ASIC2: variants seen among roughly 807,000 people sequenced by gnomAD.
ASIC2 encodes the protein acid-sensing ion channel 2.
In ASIC2, 25 loss-of-function variants were observed where a neutral mutation model predicts 57.3. The observed-to-expected ratio is 0.44, with a 90% CI of 0.32 to 0.61. The LOEUF (loss-of-function observed/expected upper bound fraction) is 0.61. ASIC2 is among the 20% of genes least tolerant of loss of function. The probability of loss-of-function intolerance (pLI) is 0.06; values close to 1 mark genes in which losing one functional copy is unlikely to be tolerated. For synonymous variants in ASIC2, 319 were observed against 307.5 expected, an observed-to-expected ratio of 1.04 and a Z score of -0.39; for missense variants, 641 against 738.1, an observed-to-expected ratio of 0.87 and a Z score of 1.52.
chr17:33,030,395 C>T lies in ASIC2; in HGVS notation c.988-2003G>A, dbSNP rs187017570. Among the ~76,000 whole-genome samples, 20 of 152,264 alleles carry T rather than the reference C, an allele frequency of 1.3e-4. 1 individual carries two copies. The highest frequency in any genetic ancestry group is 1.2e-3 in the South Asian group (6 of 4,824). On this transcript the variant is annotated intron_variant, in intron 3 of 9. Transcript: ENST00000225823. Reference sequence around the variant, plus strand: ...GTATGCATTCTTTTGTGTTTGGCTTCTTTCTCTCAGCGTAATGTTTTTGAG... The same window carrying T: ...GTATGCATTCTTTTGTGTTTGGCTTTTTTCTCTCAGCGTAATGTTTTTGAG...
chr17:33,602,809 C>A (rs967632629), intron 1 of ASIC2, among the ~76,000 whole-genome samples: 1 of 152,208 alleles, frequency 6.6e-6, no homozygotes, highest in Admixed American at 6.5e-5. Flanking sequence ...ATAGCTCTAG[C>A]AATGGGGCTT....
At chr17:33,570,655 G>A (rs1190266968) in intron 1 of ASIC2, among the ~76,000 whole-genome samples, 1 of 152,170 alleles carries the variant, frequency 6.6e-6, no homozygotes, top group Non-Finnish European at 1.5e-5. Flanking sequence ...AAAACCTACT[G>A]TTTCTCATGA....
At chr17:33,207,921 T>C (rs539197264) in intron 1 of ASIC2, among the ~76,000 whole-genome samples, 72 of 152,342 alleles carry the variant, frequency 4.7e-4, no homozygotes, top group Non-Finnish European at 9.1e-4. Flanking sequence ...TGGTTTTGGT[T>C]GTTTTTCTTA....
chr17:34,132,342 C>T (rs1422754790), intron 1 of ASIC2, among the ~76,000 whole-genome samples: 1 of 152,162 alleles, frequency 6.6e-6, no homozygotes, highest in Non-Finnish European at 1.5e-5. Context: ...AAGAACAAAA[C>T]AACAAAGCTT....
At chr17:33,020,326 A>C (rs2141895678) in intron 7 of ASIC2, among the ~76,000 whole-genome samples, 1 of 152,268 alleles carries the variant, frequency 6.6e-6, no homozygotes, top group Admixed American at 6.5e-5. Context: ...GAAGAACCTG[A>C]GGTTCAGCAA....
intron 1 of ASIC2, among the ~76,000 whole-genome samples, chr17:34,082,857 T>C (rs1909944027): frequency 6.6e-6 from 1 of 152,242 alleles, no homozygotes; most frequent in African/African-American, 2.4e-5. Flanking sequence ...AAAGACAGTT[T>C]GACCCCAAAA....
chr17:33,406,647 T>C (rs771261258), intron 1 of ASIC2, among the ~76,000 whole-genome samples: 2 of 152,232 alleles, frequency 1.3e-5, no homozygotes, highest in Admixed American at 1.3e-4. Flanking sequence ...TAGATTAAAA[T>C]GTGTAAAACA....
chr17:33,072,069 C>G (rs1434589789), intron 3 of ASIC2, among the ~76,000 whole-genome samples: 1 of 152,148 alleles, frequency 6.6e-6, no homozygotes, highest in Non-Finnish European at 1.5e-5. Flanking sequence ...CCTCTCCTCT[C>G]TGGTGCTCTG....
chr17:33,611,740 G>A (rs1384856034), intron 1 of ASIC2, among the ~76,000 whole-genome samples: 1 of 152,224 alleles, frequency 6.6e-6, no homozygotes, highest in Non-Finnish European at 1.5e-5. Flanking sequence ...TGCTCACATA[G>A]CATCCACTAA....
chr17:33,674,286 C>T (rs532748482), intron 1 of ASIC2, among the ~76,000 whole-genome samples: 1 of 152,280 alleles, frequency 6.6e-6, no homozygotes, highest in Non-Finnish European at 1.5e-5. Context: ...TCTTTCCCAG[C>T]GTATTACAGT....
At chr17:33,176,047 T>C (rs1905743136) in intron 1 of ASIC2, among the ~76,000 whole-genome samples, 1 of 152,194 alleles carries the variant, frequency 6.6e-6, no homozygotes, top group Non-Finnish European at 1.5e-5. Flanking sequence ...CCCTGGCCTC[T>C]CTGCACAGGC....
intron 1 of ASIC2, among the ~76,000 whole-genome samples, chr17:33,528,777 G>T (rs1238194154): frequency 2.0e-5 from 3 of 152,204 alleles, no homozygotes; most frequent in Non-Finnish European, 2.9e-5. Context: ...CACCCTATTT[G>T]CTGCTGCTTT....
chr17:33,891,282 A>G (rs190420811), intron 1 of ASIC2, among the ~76,000 whole-genome samples: 50 of 152,336 alleles, frequency 3.3e-4, no homozygotes, highest in African/African-American at 1.2e-3. Flanking sequence ...ACAGAAGACT[A>G]TCTGAAGAAC....
intron 1 of ASIC2, among the ~76,000 whole-genome samples, chr17:33,457,514 A>G (rs1233911290): frequency 6.6e-6 from 1 of 151,112 alleles, no homozygotes; most frequent in Non-Finnish European, 1.5e-5. Flanking sequence ...ATTCAATTCT[A>G]TATCCACTTA....
At chr17:33,237,171 T>C (rs1402755454) in intron 1 of ASIC2, among the ~76,000 whole-genome samples, 1 of 152,118 alleles carries the variant, frequency 6.6e-6, no homozygotes, top group Non-Finnish European at 1.5e-5. Flanking sequence ...CAGAGCACCA[T>C]CAGAGCCAGA....
intron 1 of ASIC2, among the ~76,000 whole-genome samples, chr17:33,610,054 G>GCGCGCGCACACACACACA (rs375575593): frequency 4.8e-5 from 7 of 144,736 alleles, no homozygotes; most frequent in African/African-American, 1.8e-4. Flanking sequence ...GGACAGAGGC[G>GCGCGCGCACACACACACA]CACACACACA....
intron 5 of ASIC2, among the ~76,000 whole-genome samples, chr17:33,024,494 T>C (rs924820033): frequency 1.3e-5 from 2 of 152,226 alleles, no homozygotes; most frequent in African/African-American, 4.8e-5. Context: ...TTTCTTTCCC[T>C]GGAGGCAACT....
intron 1 of ASIC2, among the ~76,000 whole-genome samples, chr17:33,873,225 A>G (rs1914465309): frequency 1.3e-5 from 2 of 152,346 alleles, no homozygotes; most frequent in South Asian, 4.1e-4. Context: ...CCAAGACGAC[A>G]AAGATAAGGA....
chr17:34,038,510 TA>T (rs377693075), intron 1 of ASIC2: 1 of 1,611,872 alleles, frequency 6.2e-7, no homozygotes, highest in African/African-American at 1.3e-5. Flanking sequence ...AAATGCCTTG[TA>T]AACTTCACTG....
Sources: gnomAD v4.1 joint callset for allele counts (sites outside exome capture counted in the v4.1 genomes callset) on GRCh38, gnomAD v4.1.1 for gene constraint, MANE v1.5 for transcripts, NCBI Gene and HGNC (gene_info 2026-07-23, HGNC 2026-07-21) for gene names.